The following TMEM178B variants were observed in gnomAD, a reference collection of about 807,000 sequenced individuals.
The protein encoded by TMEM178B is transmembrane protein 178B.
A neutral mutation model predicts 31.0 loss-of-function variants in TMEM178B; 5 were observed. That is an observed-to-expected ratio of 0.16 (90% CI 0.08 to 0.34). TMEM178B has a LOEUF of 0.34. Ranked by LOEUF, TMEM178B falls within the 10% of genes least tolerant of loss-of-function variation. The pLI is 1.00. For missense variants in TMEM178B, 275 were observed against 400.3 expected, an observed-to-expected ratio of 0.69 and a Z score of 2.67; for synonymous variants, 164 against 164.0, an observed-to-expected ratio of 1.00 and a Z score of 0.00.
chr7:141,230,823 G>A (rs1318109596), intron 2 of TMEM178B, among the ~76,000 whole-genome samples: 2 of 151,936 alleles, frequency 1.3e-5, no homozygotes, highest in African/African-American at 4.8e-5. Context: ...TTTATTTTTT[G>A]TAGATTACAA....
rs56316531 is a variant in TMEM178B at position 141,324,416 on chromosome 7, GTTTTTTTTTTTTTTTTT to G, written c.496+111733_496+111749del. 2.0e-3 allele frequency among the ~76,000 whole-genome samples: 171 copies of G among 85,778 alleles called. 3 individuals are homozygous for G. In the South Asian group the frequency reaches 0.051, roughly 25 times the overall value. The allele number at this position is 85,778 out of a possible 152,430, so 56.3% of individuals were successfully genotyped here. Reference sequence around the variant, plus strand: ...TGTGAGAGCAAGAGAGGAGACCAGGGTTTTTTTTTTTTTTTTTTTTTTTTTTTTTTTTTTTTTCCTGA... The same window carrying G: ...TGTGAGAGCAAGAGAGGAGACCAGGGTTTTTTTTTTTTTTTTTTTTCCTGA... On this transcript the variant is annotated intron_variant, in intron 2 of 3. Transcript: ENST00000565468.
intron 1 of TMEM178B, among the ~76,000 whole-genome samples, chr7:141,114,707 GT>G (rs1795290524): frequency 6.6e-6 from 1 of 152,134 alleles, no homozygotes; most frequent in Non-Finnish European, 1.5e-5. Context: ...CTCTCCCCCA[GT>G]TTTTCACTCC....
intron 1 of TMEM178B, among the ~76,000 whole-genome samples, chr7:141,143,882 A>G (rs559316676): frequency 2.7e-4 from 41 of 152,228 alleles, no homozygotes; most frequent in South Asian, 1.9e-3. Context: ...TGTGTCACCT[A>G]TGATTTATTT....
At chr7:141,157,500 C>G (rs181187765) in intron 1 of TMEM178B, among the ~76,000 whole-genome samples, 31 of 152,162 alleles carry the variant, frequency 2.0e-4, no homozygotes, top group Non-Finnish European at 1.5e-4. Context: ...TCAAAGCACC[C>G]AGGGACAATA....
chr7:141,130,730 A>G (rs1214925850), intron 1 of TMEM178B, among the ~76,000 whole-genome samples: 1 of 152,186 alleles, frequency 6.6e-6, no homozygotes, highest in Non-Finnish European at 1.5e-5. Flanking sequence ...AATAATAATA[A>G]CTGAGACTTA....
chr7:141,302,402 A>C (rs1224248520), intron 2 of TMEM178B, among the ~76,000 whole-genome samples: 1 of 152,244 alleles, frequency 6.6e-6, no homozygotes, highest in Admixed American at 6.5e-5. Context: ...GCATAGTTAT[A>C]TGAGTAGTCA....
At chr7:141,085,057 A>C (rs575418952) in intron 1 of TMEM178B, among the ~76,000 whole-genome samples, 17 of 151,790 alleles carry the variant, frequency 1.1e-4, no homozygotes, top group Non-Finnish European at 1.9e-4. Context: ...AGCTCACTGC[A>C]GTCTCTGCCT....
intron 2 of TMEM178B, among the ~76,000 whole-genome samples, chr7:141,317,729 C>T (rs369380666): frequency 6.6e-6 from 1 of 152,096 alleles, no homozygotes; most frequent in Non-Finnish European, 1.5e-5. Flanking sequence ...TTATTTTATT[C>T]CAAGATATGA....
chr7:141,327,266 G>GCAA (rs1563152493), intron 2 of TMEM178B, among the ~76,000 whole-genome samples: 1 of 152,074 alleles, frequency 6.6e-6, no homozygotes, highest in Non-Finnish European at 1.5e-5. Flanking sequence ...GTCAAATATT[G>GCAA]GGCAGAGAGT....
chr7:141,102,408 A>C (rs889858658), intron 1 of TMEM178B, among the ~76,000 whole-genome samples: 1 of 152,084 alleles, frequency 6.6e-6, no homozygotes, highest in Non-Finnish European at 1.5e-5. Context: ...GTCTGGCTGC[A>C]TGGGGTTCCC....
intron 1 of TMEM178B, among the ~76,000 whole-genome samples, chr7:141,100,681 G>C (rs569108267): frequency 6.6e-6 from 1 of 152,192 alleles, no homozygotes; most frequent in Non-Finnish European, 1.5e-5. Context: ...CTTTTCTGTA[G>C]ATATAAACAA....
chr7:141,198,836 C>T (rs1297443631), intron 1 of TMEM178B, among the ~76,000 whole-genome samples: 1 of 152,248 alleles, frequency 6.6e-6, no homozygotes, highest in Admixed American at 6.5e-5. Context: ...AGGAGCTGCG[C>T]CGGGTGTCTG....
intron 2 of TMEM178B, among the ~76,000 whole-genome samples, chr7:141,405,030 C>G (rs1586938867): frequency 6.6e-6 from 1 of 152,376 alleles, no homozygotes; most frequent in East Asian, 1.9e-4. Context: ...CCCTCTCTCT[C>G]TCCTACATCA....
At chr7:141,193,797 C>T (rs1478119728) in intron 1 of TMEM178B, among the ~76,000 whole-genome samples, 1 of 152,212 alleles carries the variant, frequency 6.6e-6, no homozygotes, top group African/African-American at 2.4e-5. Flanking sequence ...CTGCCAGTTC[C>T]AAGGGCCCCC....
At chr7:141,349,928 AATCCATGCATCC>A (rs1379576932) in intron 2 of TMEM178B, among the ~76,000 whole-genome samples, 5 of 151,786 alleles carry the variant, frequency 3.3e-5, no homozygotes, top group African/African-American at 1.2e-4. Context: ...CCTGAGGAAG[AATCCATGCATCC>A]ATCCATGCAT....
the TMEM178B span, among the ~76,000 whole-genome samples, chr7:141,510,709 A>AAAAAAAAAAAAAAAAAAAAAAAAG: frequency 7.4e-6 from 1 of 134,954 alleles, no homozygotes; most frequent in Admixed American, 7.0e-5. Flanking sequence ...AAAAAAAAAA[A>AAAAAAAAAAAAAAAAAAAAAAAAG]AAAGAAAAAA....
the TMEM178B span, among the ~76,000 whole-genome samples, chr7:141,492,201 T>A: frequency 2.0e-5 from 3 of 152,160 alleles, no homozygotes; most frequent in African/African-American, 7.2e-5. Context: ...AATCTCCCCA[T>A]GTGGTCCCTC....
chr7:141,482,412 G>A (rs996604443), downstream of TMEM178B, among the ~76,000 whole-genome samples: 3 of 152,172 alleles, frequency 2.0e-5, no homozygotes, highest in Non-Finnish European at 4.4e-5. Context: ...TGCTTTCCTT[G>A]GGATCCTCGC....
At chr7:141,381,878 G>T (rs1267320452) in intron 2 of TMEM178B, among the ~76,000 whole-genome samples, 1 of 152,110 alleles carries the variant, frequency 6.6e-6, no homozygotes, top group African/African-American at 2.4e-5. Context: ...TACAGAGAGT[G>T]GGCCTCAGAG....
Sources: gnomAD v4.1 joint callset for allele counts (sites outside exome capture counted in the v4.1 genomes callset) on GRCh38, gnomAD v4.1.1 for gene constraint, MANE v1.5 for transcripts, NCBI Gene and HGNC (gene_info 2026-07-23, HGNC 2026-07-21) for gene names.